Variants in OTOGL observed in about 807,000 individuals in gnomAD.
OTOGL encodes the protein otogelin-like protein.
Under a neutral mutation model 318.5 loss-of-function variants are expected in OTOGL, and 285 were observed. The ratio of observed to expected loss-of-function variants is 0.89; its 90% CI spans 0.81 to 0.99. The LOEUF is 0.99. Ranked by LOEUF, OTOGL falls within the 50% of genes least tolerant of loss-of-function variation. The probability of loss-of-function intolerance (pLI) is 0.00; values close to 1 mark genes in which losing one functional copy is unlikely to be tolerated. For synonymous variants in OTOGL, 987 were observed against 936.5 expected, an observed-to-expected ratio of 1.05 and a Z score of -0.99; for missense variants, 2,899 against 2,845.6, an observed-to-expected ratio of 1.02 and a Z score of -0.43.
At chr12:80,200,565 C>T (rs933401495) in intron 1 of OTOGL, among the ~76,000 whole-genome samples, 1 of 152,174 alleles carries the variant, frequency 6.6e-6, no homozygotes, top group Admixed American at 6.5e-5. Flanking sequence ...TGTCATTTTA[C>T]AAGCTCAAAT....
chr12:80,137,966 AG>A (rs1163539227), intron 1 of OTOGL, among the ~76,000 whole-genome samples: 2 of 152,334 alleles, frequency 1.3e-5, no homozygotes, highest in Non-Finnish European at 2.9e-5. Context: ...CTAAAAAAAT[AG>A]ACTTAACAGA....
intron 1 of OTOGL, among the ~76,000 whole-genome samples, chr12:80,188,842 TGAGTA>T (rs1244173701): frequency 3.3e-5 from 5 of 152,336 alleles, no homozygotes; most frequent in Non-Finnish European, 7.4e-5. Flanking sequence ...TATTTTTGTT[TGAGTA>T]AAGTTTCCCA....
At chr12:80,284,471 T>A (rs1416150315) in intron 26 of OTOGL, among the ~76,000 whole-genome samples, 1 of 152,232 alleles carries the variant, frequency 6.6e-6, no homozygotes, top group African/African-American at 2.4e-5. Context: ...TCCACAATGG[T>A]TGAACTAATT....
At chr12:80,236,876 G>T (rs557067554) in intron 9 of OTOGL, among the ~76,000 whole-genome samples, 3 of 148,002 alleles carry the variant, frequency 2.0e-5, no homozygotes, top group African/African-American at 7.5e-5. Flanking sequence ...GTGCAGTGGC[G>T]CGATCTTGGC....
intron 37 of OTOGL, among the ~76,000 whole-genome samples, chr12:80,330,682 AT>A (rs1888011595): frequency 6.6e-6 from 1 of 152,244 alleles, no homozygotes; most frequent in African/African-American, 2.4e-5. Context: ...AGATAAAAAA[AT>A]AAAGCTATTT....
chr12:80,121,595 C>G (rs1002254127), intron 1 of OTOGL, among the ~76,000 whole-genome samples: 1 of 152,136 alleles, frequency 6.6e-6, no homozygotes, highest in African/African-American at 2.4e-5. Flanking sequence ...AAAAACCAAA[C>G]CATAATAGCA....
intron 1 of OTOGL, among the ~76,000 whole-genome samples, chr12:80,145,806 T>G (rs1463506487): frequency 6.6e-6 from 1 of 152,032 alleles, no homozygotes; most frequent in African/African-American, 2.4e-5. Flanking sequence ...AGGTATTTTA[T>G]TCTCTTTGAA....
At chr12:80,336,710 A>T (rs1011837698) in intron 40 of OTOGL, 87 bp from the exon 41 acceptor site, 6 of 1,407,984 alleles carry the variant, frequency 4.3e-6, no homozygotes, top group African/African-American at 1.5e-5. Flanking sequence ...AACCTTTCTT[A>T]TCAATCTATT....
intron 52 of OTOGL, among the ~76,000 whole-genome samples, chr12:80,360,268 T>C (rs1302087207): frequency 6.6e-6 from 1 of 152,136 alleles, no homozygotes; most frequent in Non-Finnish European, 1.5e-5. Flanking sequence ...TAATTTTTTT[T>C]CCCTTTACAA....
chr12:80,264,041 T>C (rs950972807), intron 19 of OTOGL, among the ~76,000 whole-genome samples: 1 of 152,132 alleles, frequency 6.6e-6, no homozygotes, highest in African/African-American at 2.4e-5. Flanking sequence ...ATATATGTAA[T>C]ATACTCAACA....
At chr12:80,153,504 C>T (rs1285659744) in intron 1 of OTOGL, among the ~76,000 whole-genome samples, 3 of 152,306 alleles carry the variant, frequency 2.0e-5, no homozygotes, top group South Asian at 2.1e-4. Flanking sequence ...CAACATCCCC[C>T]ACCAGAGTGG....
intron 4 of OTOGL, among the ~76,000 whole-genome samples, chr12:80,216,500 G>C (rs148196517): frequency 1.4e-4 from 22 of 152,228 alleles, no homozygotes; most frequent in Admixed American, 1.4e-3. Flanking sequence ...ACAACTATTT[G>C]CTACTTAGCC....
intron 27 of OTOGL, among the ~76,000 whole-genome samples, chr12:80,299,204 C>T (rs928014254): frequency 5.3e-5 from 8 of 152,156 alleles, no homozygotes; most frequent in Non-Finnish European, 1.2e-4. Flanking sequence ...TAGCAATCAA[C>T]CTTTGGGCAA....
chr12:80,273,109 T>A (rs1355241062), intron 24 of OTOGL, among the ~76,000 whole-genome samples: 1 of 152,102 alleles, frequency 6.6e-6, no homozygotes, highest in Admixed American at 6.6e-5. Flanking sequence ...GGACAGTGAT[T>A]TATTTACTGG....
chr12:80,133,219 A>T (rs897295930), intron 1 of OTOGL, among the ~76,000 whole-genome samples: 12 of 152,124 alleles, frequency 7.9e-5, no homozygotes, highest in Admixed American at 2.6e-4. Flanking sequence ...TTATTTTGTT[A>T]TATTAAGTGC....
Position 80,378,080 on chromosome 12 carries a change from C to T in OTOGL, c.*32C>T. 1 of 1,447,240 alleles carries T rather than the reference C, an allele frequency of 6.9e-7. No homozygotes were observed. Among genetic ancestry groups the T allele is most frequent in the South Asian group, 1.3e-5 (1 of 79,156 alleles). 89.6% of individuals were successfully genotyped at this position (1,447,240 alleles called of 1,614,324 possible). A position where few individuals can be genotyped will look rare whatever the true frequency, so the allele number is the denominator to read the frequency against. ...GGGTTCCAAGAGCTCTATACAACAT[C>T]ATAACGTCAGATAGAATTAACTTTT... On this transcript the variant is annotated 3_prime_UTR_variant, in exon 59 of 59. Transcript: ENST00000547103.
At chr12:80,116,267 G>T (rs927148511) in intron 1 of OTOGL, among the ~76,000 whole-genome samples, 1 of 152,046 alleles carries the variant, frequency 6.6e-6, no homozygotes, top group African/African-American at 2.4e-5. Flanking sequence ...CATCCCTCAT[G>T]GCACAGTCCC....
At chr12:80,295,959 AAGTT>A (rs34293864) in intron 26 of OTOGL, among the ~76,000 whole-genome samples, 120,489 of 151,762 alleles carry the variant, frequency 0.79, 48,543 homozygotes, top group East Asian at 0.93. Flanking sequence ...CTGGGGGAGA[AAGTT>A]AGAAACTTTG....
At chr12:80,327,384 G>C (rs12371661) in intron 35 of OTOGL, among the ~76,000 whole-genome samples, 72,898 of 151,450 alleles carry the variant, frequency 0.48, 19,440 homozygotes, top group African/African-American at 0.73. Flanking sequence ...TTTTCAGGCT[G>C]TCATACAACC....
Sources: allele counts gnomAD v4.1 joint callset (sites outside exome capture counted in the v4.1 genomes callset), GRCh38; gene constraint gnomAD v4.1.1; transcripts MANE v1.5; gene names NCBI Gene and HGNC (gene_info 2026-07-23, HGNC 2026-07-21).